ARFGEF3: variants seen among roughly 807,000 people sequenced by gnomAD.
The protein encoded by ARFGEF3 is ARFGEF family member 3.
Under a neutral mutation model 221.7 loss-of-function variants are expected in ARFGEF3, and 96 were observed. The observed-to-expected ratio is 0.43, with a 90% CI of 0.37 to 0.51. The LOEUF (loss-of-function observed/expected upper bound fraction) is 0.51, where lower values mean the gene tolerates loss of function less well. Among genes scored for constraint, ARFGEF3 ranks in the 20% least tolerant of loss-of-function variants. The pLI, the probability that ARFGEF3 is intolerant of heterozygous loss-of-function variation, is 0.00. For missense variants in ARFGEF3, 2,410 were observed against 2,789.9 expected, an observed-to-expected ratio of 0.86 and a Z score of 3.07; for synonymous variants, 1,145 against 1,126.8, an observed-to-expected ratio of 1.02 and a Z score of -0.32.
intron 2 of ARFGEF3, among the ~76,000 whole-genome samples, chr6:138,200,447 A>G (rs1777514063): frequency 6.6e-6 from 1 of 152,246 alleles, no homozygotes. Flanking sequence ...ATAGTCACTA[A>G]AACAGTGTGG....
intron 12 of ARFGEF3, among the ~76,000 whole-genome samples, chr6:138,272,258 C>T (rs1478236980): frequency 9.2e-5 from 14 of 152,118 alleles, no homozygotes; most frequent in South Asian, 2.1e-4. Flanking sequence ...TGGGTTCAAG[C>T]GATTCTCCTG....
chr6:138,320,240 A>G (rs1254515088), intron 28 of ARFGEF3, among the ~76,000 whole-genome samples: 1 of 152,206 alleles, frequency 6.6e-6, no homozygotes, highest in Non-Finnish European at 1.5e-5. Flanking sequence ...GTGGGGGGGT[A>G]GCGGGTATAG....
intron 17 of ARFGEF3, 115 bp from the exon 18 acceptor site, chr6:138,289,703 G>A (rs1779363864): frequency 1.8e-6 from 2 of 1,120,172 alleles, no homozygotes; most frequent in East Asian, 5.2e-5. Context: ...GGTGCTTGCT[G>A]CCACTGAAGT....
chr6:138,335,866 C>G (rs1316357317), intron 33 of ARFGEF3, among the ~76,000 whole-genome samples: 1 of 152,104 alleles, frequency 6.6e-6, no homozygotes, highest in African/African-American at 2.4e-5. Flanking sequence ...TTGTTTTCAT[C>G]TCAAGTTTTT....
rs1180124592 is a variant in ARFGEF3 at position 138,340,829 on chromosome 6, A to T, written c.*4343A>T. 1 of 152,206 alleles carries T rather than the reference A, an allele frequency of 6.6e-6. No individual in the cohort carries two copies. Among genetic ancestry groups the T allele is most frequent in the Non-Finnish European group, 1.5e-5 (1 of 68,034 alleles). The allele number at this position is 152,206 out of a possible 1,614,324, so 9.4% of individuals were successfully genotyped here. On this transcript the variant is annotated 3_prime_UTR_variant, in exon 34 of 34. Transcript: ENST00000251691. ...GAGTAAGCACTCTAGTATGAAAAAAAGTTTCAAGGAACGAGGCCATGAAAA... is the reference window on the plus strand; with the variant it reads ...GAGTAAGCACTCTAGTATGAAAAAATGTTTCAAGGAACGAGGCCATGAAAA...
At position 138,161,974 on chromosome 6, in the gene ARFGEF3, G is replaced by T. The variant is rs1314484660; in HGVS notation, c.-113G>T. 4 of 417,156 alleles carry T rather than the reference G, an allele frequency of 9.6e-6. No homozygotes were observed. The highest frequency in any genetic ancestry group is 9.4e-5 in the South Asian group (1 of 10,688). 25.8% of individuals were successfully genotyped at this position (417,156 alleles called of 1,614,324 possible). ...AGCATCCGCGCCGGGGCGGCATGGGGGCGCGCGCGGCGGCCGCCTAGGCGC... is the reference window on the plus strand; with the variant it reads ...AGCATCCGCGCCGGGGCGGCATGGGTGCGCGCGCGGCGGCCGCCTAGGCGC... On this transcript the variant is annotated 5_prime_UTR_variant, in exon 1 of 34. Transcript: ENST00000251691.
In ARFGEF3 at chr6:138,301,916, G is replaced by A. The variant is rs148326317; in HGVS notation, c.3828+3131G>A. Among the ~76,000 whole-genome samples the A allele has an allele frequency of 6.2e-4, 95 of 152,230 alleles. 1 individual carries two copies. The highest frequency in any genetic ancestry group is 2.1e-3 in the African/African-American group (87 of 41,558). ...AATAAAAATGAAGAACAAAAACTGA[G>A]CAGACACATGAGCGCCATGGGAAGA... On this transcript the variant is annotated intron_variant, in intron 22 of 33. Coordinates refer to ENST00000251691, the MANE Select transcript of ARFGEF3 (RefSeq NM_020340.5).
intron 2 of ARFGEF3, among the ~76,000 whole-genome samples, chr6:138,188,444 A>G (rs1258231179): frequency 6.6e-6 from 1 of 152,030 alleles, no homozygotes; most frequent in Non-Finnish European, 1.5e-5. Context: ...TAAGAGAACA[A>G]TCTGCTACTG....
chr6:138,238,358 ATATT>A, intron 5 of ARFGEF3, 147 bp from the exon 6 acceptor site: 1 of 613,810 alleles, frequency 1.6e-6, no homozygotes, highest in Non-Finnish European at 2.5e-6. Flanking sequence ...GATTTAAAAT[ATATT>A]TAGTTATATT....
chr6:138,281,893 G>A (rs960570200), intron 14 of ARFGEF3, among the ~76,000 whole-genome samples: 5 of 152,144 alleles, frequency 3.3e-5, no homozygotes, highest in Admixed American at 6.5e-5. Context: ...TAGAGCTCCA[G>A]CCTTGCCCTG....
chr6:138,298,903 G>T, intron 22 of ARFGEF3, 118 bp downstream of exon 22: 1 of 831,502 alleles, frequency 1.2e-6, no homozygotes. Flanking sequence ...AATCTGTAAC[G>T]GAGAAGTTAA....
At chr6:138,319,524 G>GA (rs201417493) in intron 27 of ARFGEF3, among the ~76,000 whole-genome samples, 179 bp from the exon 28 acceptor site, 316 of 150,554 alleles carry the variant, frequency 2.1e-3, no homozygotes, top group African/African-American at 7.1e-3. Flanking sequence ...AAACCCCGCA[G>GA]AAAAAAAAAG....
At chr6:138,220,053 C>G (rs1027622850) in intron 4 of ARFGEF3, among the ~76,000 whole-genome samples, 2 of 152,070 alleles carry the variant, frequency 1.3e-5, no homozygotes, top group Non-Finnish European at 2.9e-5. Context: ...CACTGTCACC[C>G]AGGCTAGAGC....
At chr6:138,219,794 G>GTGTA (rs1777945899) in intron 4 of ARFGEF3, among the ~76,000 whole-genome samples, 2 of 139,850 alleles carry the variant, frequency 1.4e-5, no homozygotes, top group African/African-American at 6.2e-5. Flanking sequence ...ATAGATGTGC[G>GTGTA]TGTGTGTGTG....
chr6:138,336,231 C>T, intron 33 of ARFGEF3, 64 bp from the exon 34 acceptor site: 1 of 1,330,722 alleles, frequency 7.5e-7, no homozygotes, highest in Non-Finnish European at 1.0e-6. Flanking sequence ...GGCAGGGCCA[C>T]TCTCAAGTGT....
chr6:138,264,834 C>CT (rs1030898145), intron 12 of ARFGEF3, among the ~76,000 whole-genome samples: 1 of 151,700 alleles, frequency 6.6e-6, no homozygotes, highest in Non-Finnish European at 1.5e-5. Context: ...CCAAATTGTC[C>CT]TTTTTCAAGA....
intron 2 of ARFGEF3, among the ~76,000 whole-genome samples, chr6:138,199,754 A>G (rs1777498710): frequency 6.6e-6 from 1 of 152,190 alleles, no homozygotes; most frequent in Non-Finnish European, 1.5e-5. Context: ...GAATTCTTTT[A>G]TCAGTTCTAG....
chr6:138,305,110 C>T (rs961317894), intron 22 of ARFGEF3, among the ~76,000 whole-genome samples: 11 of 151,494 alleles, frequency 7.3e-5, no homozygotes, highest in Admixed American at 5.9e-4. Context: ...AACCCAAGCC[C>T]TGTTGGTTTC....
chr6:138,335,611 GAGCAAGGAGGATTGTGTGATCC>G (rs1780309413), intron 33 of ARFGEF3, among the ~76,000 whole-genome samples: 1 of 151,996 alleles, frequency 6.6e-6, no homozygotes, highest in South Asian at 2.1e-4. Flanking sequence ...TTGGGAGGCT[GAGCAAGGAGGATTGTGTGATCC>G]CAGGAGGCAG....
Sources: allele counts gnomAD v4.1 joint callset (sites outside exome capture counted in the v4.1 genomes callset), GRCh38; gene constraint gnomAD v4.1.1; transcripts MANE v1.5; gene names NCBI Gene and HGNC (gene_info 2026-07-23, HGNC 2026-07-21).